The following PTPRT variants were observed in gnomAD, a reference collection of about 807,000 sequenced individuals.
PTPRT encodes the protein protein tyrosine phosphatase receptor type T.
Under a neutral mutation model 176.8 loss-of-function variants are expected in PTPRT, and 56 were observed. The ratio of observed to expected loss-of-function variants is 0.32; its 90% CI spans 0.26 to 0.40. PTPRT has a LOEUF of 0.40. Ranked by LOEUF, PTPRT falls within the 10% of genes least tolerant of loss-of-function variation. The pLI is 1.00. For missense variants in PTPRT, 1,540 were observed against 1,908.2 expected (o/e 0.81, Z 3.60); for synonymous variants, 783 against 739.0 (o/e 1.06, Z -0.96).
intron 1 of PTPRT, among the ~76,000 whole-genome samples, chr20:43,061,164 C>T (rs1432542018): frequency 6.6e-6 from 1 of 152,056 alleles, no homozygotes; most frequent in Non-Finnish European, 1.5e-5. Flanking sequence ...TCACAATAAG[C>T]ATTCCACAAG....
In PTPRT at chr20:42,489,736, A is replaced by T. The variant is rs183823315; in HGVS notation, c.1154-17174T>A. On this transcript the variant is annotated intron_variant, in intron 7 of 30. Transcript: ENST00000373187. ...CTGCATATCAAATCTGTTGTTGTTA[A>T]ATGCTGTGTGGGTGAGCCACAGCTG... Among the ~76,000 whole-genome samples the T allele has an allele frequency of 2.2e-3, 328 of 152,232 alleles. 2 individuals carry two copies. Among genetic ancestry groups the T allele is most frequent in the African/African-American group, 7.6e-3 (317 of 41,540 alleles).
intron 6 of PTPRT, 59 bp from the exon 7 acceptor site, chr20:42,678,218 C>A (rs2075542121): frequency 6.6e-7 from 1 of 1,506,078 alleles, no homozygotes; most frequent in Non-Finnish European, 9.1e-7. Flanking sequence ...GAGCAGACTA[C>A]AAGCACATGA....
At chr20:42,311,569 A>G (rs2057629780) in intron 12 of PTPRT, among the ~76,000 whole-genome samples, 1 of 152,214 alleles carries the variant, frequency 6.6e-6, no homozygotes, top group Non-Finnish European at 1.5e-5. Flanking sequence ...TGAGGTTAAT[A>G]TAACTCTATC....
Position 42,085,749 on chromosome 20 carries a change from G to A in PTPRT, c.3951C>T (p.Phe1317=). The change falls in exon 28 of 31, where the codon TTC becomes TTT. Residue 1317 remains phenylalanine, a synonymous_variant. Transcript: ENST00000373187. ...TTACCCGGGCCATGTTACAGATGCG[G>A]AATATTCTGTGGATGATGTCCTCGT... The part of the protein sequence containing the change: ...DIDEDIIHRI[F]RICNMARPQD... 6.2e-7 allele frequency: 1 copy of A among 1,614,078 alleles called. No individual in the cohort carries two copies. Among genetic ancestry groups the A allele is most frequent in the Non-Finnish European group, 8.5e-7 (1 of 1,180,012 alleles).
intron 1 of PTPRT, among the ~76,000 whole-genome samples, chr20:43,079,888 G>A (rs2011391907): frequency 6.6e-6 from 1 of 152,102 alleles, no homozygotes. Context: ...GTTTAGAGTA[G>A]TAGCAATCAT....
At chr20:42,520,379 C>T (rs2072149551) in intron 7 of PTPRT, among the ~76,000 whole-genome samples, 1 of 152,104 alleles carries the variant, frequency 6.6e-6, no homozygotes, top group South Asian at 2.1e-4. Context: ...CCTTTTCGGC[C>T]CCTCAAAGTA....
At chr20:42,645,810 G>C (rs1161464814) in intron 7 of PTPRT, among the ~76,000 whole-genome samples, 1 of 150,884 alleles carries the variant, frequency 6.6e-6, no homozygotes, top group Non-Finnish European at 1.5e-5. Flanking sequence ...GTGTAGGGAG[G>C]GGTGACAGAG....
chr20:42,753,331 G>GA (rs2076789894), intron 6 of PTPRT, among the ~76,000 whole-genome samples: 1 of 152,084 alleles, frequency 6.6e-6, no homozygotes, highest in Admixed American at 6.6e-5. Flanking sequence ...CTGCAATTAG[G>GA]AAAAAATCAG....
At chr20:42,298,836 G>C (rs933358505) in intron 12 of PTPRT, among the ~76,000 whole-genome samples, 5 of 152,056 alleles carry the variant, frequency 3.3e-5, no homozygotes, top group African/African-American at 1.2e-4. Context: ...CAGGAGAATG[G>C]CTGGAACCCA....
chr20:42,638,697 T>TA lies in PTPRT; in HGVS notation c.1153+39168dup, dbSNP rs1308416330. 2.6e-5 allele frequency among the ~76,000 whole-genome samples: 4 copies of TA among 152,296 alleles called. No homozygotes were observed. The East Asian group carries it at 7.7e-4, about 29-fold the overall frequency. On this transcript the variant is annotated intron_variant, in intron 7 of 30. Coordinates refer to ENST00000373187, the MANE Select transcript of PTPRT (RefSeq NM_007050.6). Reference sequence around the variant, plus strand: ...CAGAATGGAATAAGCACCGAACCAGTAAAATTTCTTTATTTTTTTGTTGGT... The same window carrying TA: ...CAGAATGGAATAAGCACCGAACCAGTAAAAATTTCTTTATTTTTTTGTTGGT...
At chr20:42,313,952 A>G (rs141062274) in intron 12 of PTPRT, among the ~76,000 whole-genome samples, 24 of 152,258 alleles carry the variant, frequency 1.6e-4, no homozygotes, top group Middle Eastern at 3.4e-3. Flanking sequence ...TAGTTCCTCA[A>G]TCCGGGTTTC....
chr20:42,574,800 G>A (rs2073226636), intron 7 of PTPRT, among the ~76,000 whole-genome samples: 1 of 152,128 alleles, frequency 6.6e-6, no homozygotes, highest in African/African-American at 2.4e-5. Flanking sequence ...TTGCATAATG[G>A]GGGCAGTTTC....
intron 10 of PTPRT, 107 bp from the exon 11 acceptor site, chr20:42,350,837 C>T (rs1187323712): frequency 1.1e-5 from 9 of 836,656 alleles, no homozygotes; most frequent in South Asian, 6.6e-5. Flanking sequence ...AGAGGGAGGA[C>T]GTTTAGGAAA....
chr20:42,906,472 A>AT (rs745607877), intron 1 of PTPRT, among the ~76,000 whole-genome samples: 15 of 152,200 alleles, frequency 9.9e-5, no homozygotes, highest in Non-Finnish European at 2.1e-4. Flanking sequence ...TTCTTCCAGT[A>AT]TATCAAGGCA....
At chr20:42,590,556 G>T (rs536757351) in intron 7 of PTPRT, among the ~76,000 whole-genome samples, 4 of 152,078 alleles carry the variant, frequency 2.6e-5, no homozygotes, top group Non-Finnish European at 4.4e-5. Flanking sequence ...GTATGAACAG[G>T]TGACAGAGGG....
At chr20:42,086,149 G>T (rs773245600) in intron 27 of PTPRT, among the ~76,000 whole-genome samples, 1 of 152,056 alleles carries the variant, frequency 6.6e-6, no homozygotes, top group African/African-American at 2.4e-5. Flanking sequence ...GTGTTGGCCA[G>T]GCTAGTCTTG....
At chr20:42,666,877 T>C (rs2075325720) in intron 7 of PTPRT, among the ~76,000 whole-genome samples, 1 of 152,216 alleles carries the variant, frequency 6.6e-6, no homozygotes, top group Admixed American at 6.5e-5. Flanking sequence ...GACCATAGCA[T>C]TGAAATCTTT....
At chr20:43,024,903 G>A (rs1199283592) in intron 1 of PTPRT, among the ~76,000 whole-genome samples, 1 of 152,224 alleles carries the variant, frequency 6.6e-6, no homozygotes, top group East Asian at 1.9e-4. Flanking sequence ...TCACTGGGCT[G>A]CTTTGGGTAC....
At chr20:42,560,198 AG>A (rs1488735889) in intron 7 of PTPRT, among the ~76,000 whole-genome samples, 2 of 152,190 alleles carry the variant, frequency 1.3e-5, no homozygotes, top group Non-Finnish European at 2.9e-5. Flanking sequence ...CGACTTCTAC[AG>A]GTTGCCTCAA....
Sources: gnomAD v4.1 joint callset for allele counts (sites outside exome capture counted in the v4.1 genomes callset) on GRCh38, gnomAD v4.1.1 for gene constraint, MANE v1.5 for transcripts, NCBI Gene and HGNC (gene_info 2026-07-23, HGNC 2026-07-21) for gene names.